Variants in AQR observed in about 807,000 individuals in gnomAD.
AQR encodes the protein RNA helicase aquarius.
A neutral mutation model predicts 180.5 loss-of-function variants in AQR; 61 were observed. That is an observed-to-expected ratio of 0.34 (90% confidence interval 0.28 to 0.42). The LOEUF is 0.42. Ranked by LOEUF, AQR falls within the 10% of genes least tolerant of loss-of-function variation. The probability of loss-of-function intolerance (pLI) is 1.00; values close to 1 mark genes in which losing one functional copy is unlikely to be tolerated. For missense variants in AQR, 1,281 were observed against 1,798.3 expected (o/e 0.71, Z 5.20); for synonymous variants, 551 against 588.8 (o/e 0.94, Z 0.93).
At chr15:34,941,345 A>G (rs919860955) in intron 7 of AQR, among the ~76,000 whole-genome samples, 2 of 152,204 alleles carry the variant, frequency 1.3e-5, no homozygotes, top group African/African-American at 2.4e-5. Flanking sequence ...ACAATGCACA[A>G]AAAACAGCGA....
intron 3 of AQR, among the ~76,000 whole-genome samples, chr15:34,953,379 G>T (rs1187905301): frequency 6.6e-6 from 1 of 152,094 alleles, no homozygotes; most frequent in African/African-American, 2.4e-5. Flanking sequence ...GACACAAATG[G>T]CCACTAATTT....
In AQR at chr15:34,934,610, A is replaced by G; in HGVS notation, c.744T>C (p.His248=). 2 of 1,586,132 alleles carry G rather than the reference A, an allele frequency of 1.3e-6. No individual in the cohort carries two copies. The highest frequency in any genetic ancestry group is 1.2e-5 in the South Asian group (1 of 85,924). The part of the protein sequence containing the change: ...LSEPVTMDKV[H]YCERFIELMI... ...TAAGTTCAATGAATCTTTCACAGTA[A>G]TGAACTTTGTCCATAGTGACAGGTT... Residue 248 remains histidine (H), a synonymous_variant, in exon 10 of 35, where the codon CAT becomes CAC. Coordinates refer to ENST00000156471, the MANE Select transcript of AQR (RefSeq NM_014691.3).
chr15:34,900,705 G>A lies in AQR; in HGVS notation c.2160C>T (p.Ser720=). Residue 720 remains serine, a synonymous_variant, in exon 20 of 35, where the codon TCC becomes TCT. Coordinates refer to ENST00000156471, the MANE Select transcript of AQR (RefSeq NM_014691.3). Reference sequence around the variant, plus strand: ...GGAAGCTGGCTTTTAAATGCTCAATGGAGAGAAATGTATCATTGAAATCAA... The same window carrying A: ...GGAAGCTGGCTTTTAAATGCTCAATAGAGAGAAATGTATCATTGAAATCAA... ...ATLDFNDTFL[S]IEHLKASFPG... The A allele has an allele frequency of 6.2e-7, 1 of 1,614,138 alleles. No individual in the cohort carries two copies. Among genetic ancestry groups the A allele is most frequent in the African/African-American group, 1.3e-5 (1 of 75,042 alleles).
intron 19 of AQR, among the ~76,000 whole-genome samples, chr15:34,903,454 A>G (rs895981518): frequency 6.6e-6 from 1 of 152,122 alleles, no homozygotes; most frequent in African/African-American, 2.4e-5. Context: ...ATGAGAGATA[A>G]AGGTGTCCTG....
chr15:34,958,963 T>C (rs1330590639), intron 3 of AQR, among the ~76,000 whole-genome samples: 1 of 149,080 alleles, frequency 6.7e-6, no homozygotes, highest in African/African-American at 2.5e-5. Flanking sequence ...TGACATTACA[T>C]TACATATAGA....
At chr15:34,911,521 T>C (rs1481314904) in intron 16 of AQR, among the ~76,000 whole-genome samples, 1 of 152,214 alleles carries the variant, frequency 6.6e-6, no homozygotes, top group Non-Finnish European at 1.5e-5. Flanking sequence ...ATTGTGGTTT[T>C]GGTATGCATT....
intron 16 of AQR, among the ~76,000 whole-genome samples, chr15:34,910,687 T>C (rs1217451023): frequency 1.3e-5 from 2 of 152,206 alleles, no homozygotes; most frequent in African/African-American, 4.8e-5. Flanking sequence ...TTCAGCTTTA[T>C]TGACGTATAC....
intron 8 of AQR, 144 bp downstream of exon 8, chr15:34,940,755 A>G: frequency 1.5e-6 from 1 of 674,772 alleles, no homozygotes; most frequent in East Asian, 2.8e-5. Flanking sequence ...AATATTCTTA[A>G]TGACAGTCTA....
chr15:34,961,299 GA>G (rs2050275797), intron 2 of AQR, among the ~76,000 whole-genome samples: 1 of 152,092 alleles, frequency 6.6e-6, no homozygotes, highest in African/African-American at 2.4e-5. Context: ...AGGGTGGGCA[GA>G]ATGGTGTACT....
chr15:34,896,954 C>G lies in AQR; in HGVS notation c.2403G>C (p.Gln801His), dbSNP rs768054965. ...PYNQPKRNTI[Q>H]FTHTQIEAIR... is the part of the protein sequence containing the mutation. ...TGGCTTCTATCTGTGTATGAGTGAA[C>G]TGAATCGTATTACTGCAAATAAGAG... The change falls in exon 22 of 35, where the codon CAG becomes CAC. Residue 801 changes from glutamine to histidine, a missense_variant. Coordinates refer to ENST00000156471, the MANE Select transcript of AQR (RefSeq NM_014691.3). 1 of 1,612,464 alleles carries G rather than the reference C, an allele frequency of 6.2e-7. No individual in the cohort carries two copies. Among genetic ancestry groups the G allele is most frequent in the Non-Finnish European group, 8.5e-7 (1 of 1,178,620 alleles).
chr15:34,968,291 T>C (rs551904225), intron 1 of AQR, among the ~76,000 whole-genome samples: 299 of 151,140 alleles, frequency 2.0e-3, no homozygotes, highest in African/African-American at 6.6e-3. Context: ...CTCGCACTGT[T>C]GCCCAGGCTG....
At chr15:34,895,091 AGCAGAGGTT>A (rs1237598380) in intron 22 of AQR, among the ~76,000 whole-genome samples, 1 of 142,956 alleles carries the variant, frequency 7.0e-6, no homozygotes, top group African/African-American at 2.6e-5. Context: ...TCACTTGGAA[AGCAGAGGTT>A]GCAGTGAGCT....
intron 11 of AQR, among the ~76,000 whole-genome samples, chr15:34,930,913 TGCAAGCTCCGCCTCCCAGGTTCA>T (rs1161345253): frequency 6.8e-6 from 1 of 147,010 alleles, no homozygotes; most frequent in Non-Finnish European, 1.5e-5. Flanking sequence ...CTCGGCTCAC[TGCAAGCTCCGCCTCCCAGGTTCA>T]CGCCATTCTC....
rs184924058 is a variant in AQR at position 34,949,583 on chromosome 15, T to C, written c.210-1199A>G. On this transcript the variant is annotated intron_variant, in intron 4 of 34. Transcript: ENST00000156471. ...AACATCGCGCCACTGCACTCCAGCCTGGCAACAGTGAGACTCCGTCACAAA... is the reference window on the plus strand; with the variant it reads ...AACATCGCGCCACTGCACTCCAGCCCGGCAACAGTGAGACTCCGTCACAAA... Among the ~76,000 whole-genome samples the C allele has an allele frequency of 4.8e-3, 551 of 115,202 alleles. 3 individuals carry two copies. Among genetic ancestry groups the C allele is most frequent in the Non-Finnish European group, 5.6e-3 (341 of 61,092 alleles). The allele number at this position is 115,202 out of a possible 152,430, so 75.6% of individuals were successfully genotyped here.
intron 13 of AQR, 130 bp downstream of exon 13, chr15:34,926,905 C>T (rs915398270): frequency 3.3e-5 from 15 of 459,072 alleles, no homozygotes; most frequent in Admixed American, 4.3e-5. Flanking sequence ...TAGTTGTAGA[C>T]GTCAACGAAG....
Position 34,948,316 on chromosome 15 carries a change from G to A in AQR, c.278C>T (p.Ser93Leu). ...PEVSSKAYLM[S>L]ICCMVNEKFR... ...CTTCTCATTCACCATACAGCAGATT[G>A]ACATTAAATAGGCCTTGCTAGATAC... The change falls in exon 5 of 35, where the codon TCA becomes TTA. Residue 93 changes from serine to leucine, a missense_variant. By Grantham distance (145) the Ser-to-Leu change is moderately radical. Coordinates refer to ENST00000156471, the MANE Select transcript of AQR (RefSeq NM_014691.3). 2 of 1,613,558 alleles carry A rather than the reference G, an allele frequency of 1.2e-6. No individual in the cohort carries two copies. The highest frequency in any genetic ancestry group is 1.7e-6 in the Non-Finnish European group (2 of 1,179,952).
At chr15:34,957,646 A>G (rs1411784038) in intron 3 of AQR, among the ~76,000 whole-genome samples, 5 of 151,134 alleles carry the variant, frequency 3.3e-5, no homozygotes, top group Non-Finnish European at 7.4e-5. Context: ...GGTTGCGGTG[A>G]GCCGAGACTG....
At chr15:34,875,850 C>A in intron 28 of AQR, 85 bp downstream of exon 28, 1 of 1,000,434 alleles carries the variant, frequency 1.0e-6, no homozygotes, top group Non-Finnish European at 1.5e-6. Flanking sequence ...TGGCAATCAG[C>A]ACACCCAAAC....
At chr15:34,885,110 T>A (rs1893039752) in intron 25 of AQR, among the ~76,000 whole-genome samples, 1 of 152,228 alleles carries the variant, frequency 6.6e-6, no homozygotes, top group African/African-American at 2.4e-5. Context: ...TTGCTCATTT[T>A]TTTCATCTCT....
Sources: allele counts gnomAD v4.1 joint callset (sites outside exome capture counted in the v4.1 genomes callset), GRCh38; gene constraint gnomAD v4.1.1; transcripts MANE v1.5; gene names NCBI Gene and HGNC (gene_info 2026-07-23, HGNC 2026-07-21).